Variants in FLNC observed in about 807,000 individuals in gnomAD.
The protein encoded by FLNC is filamin-C.
Under a neutral mutation model 254.3 loss-of-function variants are expected in FLNC, and 91 were observed. The observed-to-expected ratio is 0.36, with a 90% CI of 0.30 to 0.43. FLNC has a LOEUF of 0.43. FLNC is among the 20% of genes least tolerant of loss of function. The pLI, the probability that FLNC is intolerant of heterozygous loss-of-function variation, is 1.00. For missense variants in FLNC, 2,853 were observed against 3,802.6 expected (o/e 0.75, Z 6.57); for synonymous variants, 1,430 against 1,577.2 (o/e 0.91, Z 2.21).
chr7:128,851,727 T>G, intron 35 of FLNC, 99 bp downstream of exon 35: 2 of 1,253,654 alleles, frequency 1.6e-6, no homozygotes, highest in Admixed American at 1.8e-5. Flanking sequence ...CTCGTGACAT[T>G]AGGGCAGAGG....
chr7:128,849,897 G>A (rs928492925), intron 30 of FLNC, 79 bp from the exon 31 acceptor site: 6 of 1,042,524 alleles, frequency 5.8e-6, no homozygotes, highest in Non-Finnish European at 8.7e-6. Flanking sequence ...AGCATTTCAG[G>A]TTCCTGGGCC....
At chr7:128,853,087 T>C in intron 37 of FLNC, 56 bp downstream of exon 37, 2 of 1,511,302 alleles carry the variant, frequency 1.3e-6, no homozygotes, top group Non-Finnish European at 1.8e-6. Flanking sequence ...CAGGCACTTG[T>C]CCTCGTCCTG....
At chr7:128,840,512 T>C in intron 9 of FLNC, 36 bp from the exon 10 acceptor site, 1 of 1,613,920 alleles carries the variant, frequency 6.2e-7, no homozygotes. Flanking sequence ...AGGATATTGA[T>C]CTGCCTTCTT....
At position 128,842,308 on chromosome 7, in the gene FLNC, C is replaced by G. The variant is rs200655185; in HGVS notation, c.2199C>G (p.Thr733=). 113 of 1,613,892 alleles carry G rather than the reference C, an allele frequency of 7.0e-5. No homozygotes were observed. The African/African-American group carries it at 1.0e-3, about 15-fold the overall frequency. Residue 733 remains threonine, a synonymous_variant, in exon 14 of 48, where the codon ACC becomes ACG. Transcript: ENST00000325888. This position sits in a 1 kb window ranked among gnomAD's most constrained non-coding sequence, Gnocchi z 5.4. ...DGTFRCSYVP[T]KPIKHTIIIS... ...CCTTCCGCTGCTCCTACGTGCCCAC[C>G]AAGCCCATTAAGCACACCATCATCA...
chr7:128,858,030 C>T lies in FLNC; in HGVS notation c.7803C>T (p.His2601=), dbSNP rs749737805. ...CAGGTCCGAGGCTGTCCGGAGGCCA[C>T]AGCCTTCACGAAACATCCACGGTTC... The part of the protein sequence containing the change: ...KVTGPRLSGG[H]SLHETSTVLV... The change falls in exon 47 of 48, where the codon CAC becomes CAT. Residue 2601 remains histidine (H), a synonymous_variant. Transcript: ENST00000325888. This position sits in a 1 kb window ranked among gnomAD's most constrained non-coding sequence, Gnocchi z 6.7. 4.5e-5 allele frequency: 70 copies of T among 1,552,224 alleles called. No individual in the cohort carries two copies. The highest frequency in any genetic ancestry group is 3.6e-4 in the Admixed American group (20 of 56,082).
rs143989306 is a variant in FLNC, at chr7:128,835,937, G to A, written c.601+363G>A. Among the ~76,000 whole-genome samples the A allele has an allele frequency of 7.2e-5, 11 of 152,272 alleles. No homozygotes were observed. In the East Asian group the frequency reaches 2.1e-3, roughly 29 times the overall value. On this transcript the variant is annotated intron_variant, in intron 2 of 47. Coordinates refer to ENST00000325888, the MANE Select transcript of FLNC (RefSeq NM_001458.5). The surrounding 1 kb of genome is among the most constrained non-coding windows in gnomAD (Gnocchi z 5.3). Reference sequence around the variant, plus strand: ...CCCCATGAATTTTTTACTGTGCCACGAGGCACTATTCCTGCCGAGCTGAGA... The same window carrying A: ...CCCCATGAATTTTTTACTGTGCCACAAGGCACTATTCCTGCCGAGCTGAGA...
In FLNC at chr7:128,851,284, C is replaced by T. The variant is rs117517372; in HGVS notation, c.5592C>T (p.Ala1864=). The change falls in exon 34 of 48, where the codon GCC becomes GCT. Residue 1864 remains alanine (A), a synonymous_variant. Transcript: ENST00000325888. The part of the protein sequence containing the change: ...VDAINSRHVS[A]YGPGLSHGMV... ...CCATCAACAGCCGCCATGTCAGTGC[C>T]TATGGGCCAGGCCTGAGCCATGGCA... 3.6e-3 allele frequency: 5,769 copies of T among 1,614,134 alleles called. 179 individuals are homozygous for T. The South Asian group carries it at 0.05, about 14-fold the overall frequency.
rs1808928445 is a variant in FLNC at position 128,853,811 on chromosome 7, C to T, written c.6458C>T (p.Thr2153Ile). 1 of 1,613,448 alleles carries T rather than the reference C, an allele frequency of 6.2e-7. No individual in the cohort carries two copies. Among genetic ancestry groups the T allele is most frequent in the Admixed American group, 1.7e-5 (1 of 60,012 alleles). ...QAPSIATIGS[T>I]CDLNLKIPGN... ...CCTTCCATCGCCACCATCGGCAGCACCTGTGACCTCAACCTCAAGATCCCA... is the reference window on the plus strand; with the variant it reads ...CCTTCCATCGCCACCATCGGCAGCATCTGTGACCTCAACCTCAAGATCCCA... Residue 2153 changes from threonine to isoleucine, a missense_variant, in exon 39 of 48, where the codon ACC becomes ATC. By Grantham distance (89) the Thr-to-Ile change is moderately conservative (BLOSUM62 -1). Transcript: ENST00000325888.
chr7:128,833,241 A>G (rs1466564990), intron 1 of FLNC, among the ~76,000 whole-genome samples: 1 of 151,642 alleles, frequency 6.6e-6, no homozygotes, highest in Non-Finnish European at 1.5e-5. Flanking sequence ...CCTGGAGCCA[A>G]CAACCAAGGG....
At chr7:128,846,652 C>A in intron 23 of FLNC, 93 bp from the exon 24 acceptor site, 1 of 1,417,118 alleles carries the variant, frequency 7.1e-7, no homozygotes, top group Non-Finnish European at 9.7e-7. Flanking sequence ...TCCCCAGCGG[C>A]CTGCCCTCTT....
chr7:128,849,107 C>T, intron 28 of FLNC, 74 bp from the exon 29 acceptor site: 1 of 1,363,154 alleles, frequency 7.3e-7, no homozygotes, highest in Non-Finnish European at 1.0e-6. Context: ...CCTGGCCCCT[C>T]CCTCCCTCAC....
chr7:128,830,902 C>G lies in FLNC; in HGVS notation c.265C>G (p.Arg89Gly). ...GCGCATGTACCGCAAGTTCCATCCG[C>G]GCCCCAACTTCCGCCAAATGAAGCT... ...QKRMYRKFHP[R>G]PNFRQMKLEN... is the part of the protein sequence containing the mutation. The change falls in exon 1 of 48, where the codon CGC (arginine) becomes GGC (glycine). Residue 89 changes from arginine to glycine, a missense_variant. Arg to Gly is a moderately radical substitution (Grantham distance 125). This residue lies in a region of FLNC where 59 missense variants were observed against 59.8 expected (regional missense o/e 0.99). Transcript: ENST00000325888. 1 of 1,613,140 alleles carries G rather than the reference C, an allele frequency of 6.2e-7. No homozygotes were observed. The highest frequency in any genetic ancestry group is 8.5e-7 in the Non-Finnish European group (1 of 1,179,958).
At position 128,854,433 on chromosome 7, in the gene FLNC, A is replaced by G; in HGVS notation, c.6748A>G (p.Met2250Val). The G allele has an allele frequency of 1.2e-6, 2 of 1,610,710 alleles. No homozygotes were observed. Among genetic ancestry groups the G allele is most frequent in the Non-Finnish European group, 1.7e-6 (2 of 1,178,924 alleles). Reference sequence around the variant, plus strand: ...TGCAGGTGAGGCCAGCTCTCAGGACATGACTGCACAGGTGACCAGCCCATC... The same window carrying G: ...TGCAGGTGAGGCCAGCTCTCAGGACGTGACTGCACAGGTGACCAGCCCATC... ...QQEGEASSQD[M>V]TAQVTSPSGK... Residue 2250 changes from methionine (M) to valine (V), a missense_variant, in exon 41 of 48, where the codon ATG becomes GTG. This residue lies in a region of FLNC where 551 missense variants were observed against 835.0 expected (regional missense o/e 0.66). Coordinates refer to ENST00000325888, the MANE Select transcript of FLNC (RefSeq NM_001458.5).
chr7:128,838,766 C>T lies in FLNC; in HGVS notation c.1374C>T (p.Pro458=), dbSNP rs115140972. The T allele has an allele frequency of 2.7e-3, 4,321 of 1,612,978 alleles. 122 individuals carry two copies. The African/African-American group carries it at 0.051, about 19-fold the overall frequency. The change falls in exon 8 of 48, where the codon CCC becomes CCT. Residue 458 remains proline, a synonymous_variant. Coordinates refer to ENST00000325888, the MANE Select transcript of FLNC (RefSeq NM_001458.5). ...HTVHVAFAGA[P]ITRSPFPVHV... ...TGCATGTGGCCTTTGCGGGTGCCCC[C>T]ATCACCCGCAGTCCCTTCCCTGTCC... is the stretch of plus-strand genomic sequence containing the variant.
At position 128,850,069 on chromosome 7, in the gene FLNC, C is replaced by T. The variant is rs1263073740; in HGVS notation, c.5293C>T (p.His1765Tyr). The T allele has an allele frequency of 3.9e-6, 6 of 1,537,708 alleles. No individual in the cohort carries two copies. Among genetic ancestry groups the T allele is most frequent in the Non-Finnish European group, 5.2e-6 (6 of 1,145,804 alleles). ...TCCCCGGCCCGGCGCCCGCCCCACACACTGGGTACTGCGCCTCCCACCAGG... is the reference window on the plus strand; with the variant it reads ...TCCCCGGCCCGGCGCCCGCCCCACATACTGGGTACTGCGCCTCCCACCAGG... ...APPRPGARPT[H>Y]WATEEPVVPV... Residue 1765 changes from histidine (H) to tyrosine (Y), a missense_variant, in exon 31 of 48, where the codon CAC becomes TAC. His to Tyr is a moderately conservative substitution (Grantham distance 83). This residue lies in a region of FLNC where 258 missense variants were observed against 312.3 expected (regional missense o/e 0.83). Coordinates refer to ENST00000325888, the MANE Select transcript of FLNC (RefSeq NM_001458.5).
Position 128,848,792 on chromosome 7 carries a change from G to A in FLNC, c.4738-1G>A, listed in dbSNP as rs1808678197. The A allele has an allele frequency of 6.2e-7, 1 of 1,614,010 alleles. No homozygotes were observed. Among genetic ancestry groups the A allele is most frequent in the Non-Finnish European group, 8.5e-7 (1 of 1,180,022 alleles). On this transcript the variant is annotated splice_acceptor_variant, in intron 27 of 47. Transcript: ENST00000325888. LOFTEE classifies it high-confidence loss of function. ...GGCCTTGACCTCTGCTTCTCCCTCA[G>A]GACCCCGAGGGTAAGCCCAAGAAGG...
intron 22 of FLNC, 35 bp downstream of exon 22, chr7:128,846,198 T>TGGGAAGGTGGGCAGGGCC: frequency 6.2e-7 from 1 of 1,613,116 alleles, no homozygotes; most frequent in Non-Finnish European, 8.5e-7. Context: ...TGGGCAGGGC[T>TGGGAAGGTGGGCAGGGCC]GGGCAAGTGG....
chr7:128,851,012 C>T (rs1585166157), intron 33 of FLNC, 69 bp downstream of exon 33: 1 of 1,585,600 alleles, frequency 6.3e-7, no homozygotes, highest in Non-Finnish European at 8.7e-7. Flanking sequence ...GTCCTGCCTT[C>T]CCTCTTTCAA....
At chr7:128,844,591 TG>T in intron 20 of FLNC, 66 bp from the exon 21 acceptor site, 3 of 1,406,934 alleles carry the variant, frequency 2.1e-6, no homozygotes, top group South Asian at 2.3e-5. Flanking sequence ...ATGAGTTGGG[TG>T]GGGGCCATGA....
Sources: gnomAD v4.1 joint callset for allele counts (sites outside exome capture counted in the v4.1 genomes callset) on GRCh38, gnomAD v4.1.1 for gene constraint, gnomAD v4.1.1 regional missense constraint, Gnocchi (gnomAD v3.1) non-coding constraint, MANE v1.5 for transcripts, NCBI Gene and HGNC (gene_info 2026-07-23, HGNC 2026-07-21) for gene names.